ATRNL1: variants seen among roughly 807,000 people sequenced by gnomAD.
The protein encoded by ATRNL1 is attractin like 1.
ATRNL1 carries 95 observed loss-of-function variants against 182.7 expected under a neutral mutation model. The observed-to-expected ratio is 0.52, with a 90% confidence interval of 0.44 to 0.62. The LOEUF (loss-of-function observed/expected upper bound fraction) is 0.62, where lower values mean the gene tolerates loss of function less well. ATRNL1 is among the 20% of genes least tolerant of loss of function. ATRNL1 has a pLI of 0.00. For missense variants in ATRNL1, 1,471 were observed against 1,679.5 expected, an observed-to-expected ratio of 0.88 and a Z score of 2.17; for synonymous variants, 576 against 568.3, an observed-to-expected ratio of 1.01 and a Z score of -0.19.
At chr10:115,190,093 C>T (rs1208578675) in intron 8 of ATRNL1, among the ~76,000 whole-genome samples, 3 of 152,032 alleles carry the variant, frequency 2.0e-5, no homozygotes, top group Non-Finnish European at 4.4e-5. Context: ...TAGGCTATAC[C>T]ATTTAGGTTT....
At chr10:115,898,002 T>G (rs1326730196) in intron 28 of ATRNL1, among the ~76,000 whole-genome samples, 1 of 152,050 alleles carries the variant, frequency 6.6e-6, no homozygotes, top group African/African-American at 2.4e-5. Context: ...CTCAGCTCAC[T>G]GCAACCTCCC....
chr10:115,189,211 A>G (rs1288087656), intron 8 of ATRNL1, among the ~76,000 whole-genome samples: 1 of 151,762 alleles, frequency 6.6e-6, no homozygotes, highest in East Asian at 1.9e-4. Flanking sequence ...CTTCACTGCC[A>G]GTCGTACAGA....
chr10:115,200,268 G>A (rs1848513456), intron 8 of ATRNL1, among the ~76,000 whole-genome samples: 1 of 148,342 alleles, frequency 6.7e-6, no homozygotes, highest in Non-Finnish European at 1.5e-5. Context: ...GGGTACATGT[G>A]CACAATGTGC....
chr10:115,654,407 C>T (rs1860203087), intron 26 of ATRNL1, among the ~76,000 whole-genome samples: 2 of 151,862 alleles, frequency 1.3e-5, no homozygotes, highest in Admixed American at 6.6e-5. Context: ...TTAGTAGAGA[C>T]GGGGTTTTGC....
intron 26 of ATRNL1, among the ~76,000 whole-genome samples, chr10:115,702,364 A>G (rs1374043543): frequency 2.0e-5 from 3 of 152,018 alleles, no homozygotes; most frequent in Admixed American, 2.0e-4. Flanking sequence ...GGAATAAGAC[A>G]AGGATGCTCA....
chr10:115,614,836 T>C (rs1244246833), intron 26 of ATRNL1, among the ~76,000 whole-genome samples: 3 of 152,202 alleles, frequency 2.0e-5, no homozygotes, highest in Non-Finnish European at 1.5e-5. Flanking sequence ...ATAAGTATGG[T>C]ACTCCTGCAT....
intron 24 of ATRNL1, among the ~76,000 whole-genome samples, chr10:115,473,115 C>T (rs898295316): frequency 6.6e-6 from 1 of 151,088 alleles, no homozygotes; most frequent in Non-Finnish European, 1.5e-5. Flanking sequence ...TAATTTTTGT[C>T]CTTCATTCTG....
At chr10:115,152,096 A>G (rs554485314) in intron 5 of ATRNL1, among the ~76,000 whole-genome samples, 2 of 152,268 alleles carry the variant, frequency 1.3e-5, no homozygotes, top group Non-Finnish European at 2.9e-5. Flanking sequence ...TACCTGTACC[A>G]TGCTGTTTTG....
At chr10:115,566,923 A>G (rs1414780365) in intron 26 of ATRNL1, among the ~76,000 whole-genome samples, 2 of 152,174 alleles carry the variant, frequency 1.3e-5, no homozygotes, top group Non-Finnish European at 2.9e-5. Context: ...CAACACATTT[A>G]TAATCACTTA....
intron 20 of ATRNL1, among the ~76,000 whole-genome samples, chr10:115,404,805 A>C (rs1554957802): frequency 7.2e-6 from 1 of 138,852 alleles, no homozygotes. Context: ...AACTTGCAAA[A>C]ACCTCCCAGC....
At position 115,615,401 on chromosome 10, in the gene ATRNL1, CTT is replaced by C. The variant is rs57644665; in HGVS notation, c.3795+65873_3795+65874del. Among the ~76,000 whole-genome samples, 1,485 of 151,480 alleles carry C rather than the reference CTT, an allele frequency of 9.8e-3. 17 individuals are homozygous for C. The highest frequency in any genetic ancestry group is 0.034 in the African/African-American group (1,407 of 41,294). On this transcript the variant is annotated intron_variant, in intron 26 of 28. Transcript: ENST00000355044. ...CAGTTATAATATTCTTGGTTGAACA[CTT>C]TTTTTTTCTTTTCTTCTGGCAGTTT...
At chr10:115,267,148 AAC>A in intron 12 of ATRNL1, 143 bp downstream of exon 12, 1 of 581,370 alleles carries the variant, frequency 1.7e-6, no homozygotes, top group Middle Eastern at 4.7e-4. Flanking sequence ...CTAATGTTTG[AAC>A]CTAGTGATTA....
intron 10 of ATRNL1, among the ~76,000 whole-genome samples, chr10:115,247,312 TAAAA>T (rs1199714102): frequency 6.6e-6 from 1 of 151,958 alleles, no homozygotes; most frequent in South Asian, 2.1e-4. Flanking sequence ...TTCTCAATGA[TAAAA>T]AAAACCTCAA....
chr10:115,388,185 T>C (rs1554953175), intron 19 of ATRNL1, among the ~76,000 whole-genome samples: 1 of 152,174 alleles, frequency 6.6e-6, no homozygotes, highest in Admixed American at 6.5e-5. Context: ...TTTTCATATT[T>C]TATATCTACT....
intron 26 of ATRNL1, among the ~76,000 whole-genome samples, chr10:115,658,157 G>A (rs1165935692): frequency 7.6e-5 from 10 of 131,454 alleles, no homozygotes; most frequent in South Asian, 4.9e-4. Context: ...GTGCAGTGGC[G>A]CAATTTCGGC....
At chr10:115,758,405 T>A (rs1180544713) in intron 27 of ATRNL1, among the ~76,000 whole-genome samples, 10 of 152,206 alleles carry the variant, frequency 6.6e-5, no homozygotes, top group African/African-American at 2.4e-4. Context: ...TCTGCTGGAG[T>A]TTGCTGGAGG....
At chr10:115,769,498 A>G (rs1177687038) in intron 27 of ATRNL1, among the ~76,000 whole-genome samples, 1 of 152,182 alleles carries the variant, frequency 6.6e-6, no homozygotes, top group African/African-American at 2.4e-5. Context: ...GAATATATTG[A>G]TACTTACTTT....
At chr10:115,185,529 GCTTACA>G (rs1286487858) in intron 8 of ATRNL1, among the ~76,000 whole-genome samples, 5 of 152,032 alleles carry the variant, frequency 3.3e-5, no homozygotes, top group Admixed American at 6.6e-5. Flanking sequence ...GAATGCATAA[GCTTACA>G]CTGAGAGTAG....
At chr10:115,110,162 G>A (rs1663157) in intron 1 of ATRNL1, among the ~76,000 whole-genome samples, 49,439 of 151,976 alleles carry the variant, frequency 0.33, 8,281 homozygotes, top group African/African-American at 0.38. Context: ...GAGGTAGGCA[G>A]AACTTTAAGA....
Sources: gnomAD v4.1 joint callset for allele counts (sites outside exome capture counted in the v4.1 genomes callset) on GRCh38, gnomAD v4.1.1 for gene constraint, MANE v1.5 for transcripts, NCBI Gene and HGNC (gene_info 2026-07-23, HGNC 2026-07-21) for gene names.